The following CPM variants were observed in gnomAD, a reference collection of about 807,000 sequenced individuals.
CPM encodes renal carboxypeptidase.
Under a neutral mutation model 46.4 loss-of-function variants are expected in CPM, and 35 were observed. The ratio of observed to expected loss-of-function variants is 0.75; its 90% CI spans 0.58 to 1.00. The LOEUF is 1.00. CPM is among the 50% of genes least tolerant of loss of function. CPM has a pLI of 0.00. For synonymous variants in CPM, 195 were observed against 195.3 expected (o/e 1.00, Z 0.01); for missense variants, 422 against 530.4 (o/e 0.80, Z 2.01).
chr12:68,904,305 A>G (rs1439183924), intron 2 of CPM, among the ~76,000 whole-genome samples: 6 of 152,226 alleles, frequency 3.9e-5, no homozygotes, highest in Admixed American at 3.9e-4. Context: ...ACCGTCTCAT[A>G]ATGGACTGAT....
intron 1 of CPM, among the ~76,000 whole-genome samples, chr12:68,943,075 A>G (rs934716360): frequency 1.5e-4 from 23 of 152,204 alleles, no homozygotes; most frequent in African/African-American, 5.5e-4. Context: ...GTGTTATTCT[A>G]GGAAGAATAT....
chr12:68,945,788 G>A (rs377305136), intron 1 of CPM, among the ~76,000 whole-genome samples: 18 of 147,542 alleles, frequency 1.2e-4, no homozygotes, highest in African/African-American at 4.2e-4. Context: ...TGAGTCATTA[G>A]TATAGGCTCA....
intron 8 of CPM, 106 bp downstream of exon 8, chr12:68,858,816 TG>T: frequency 1.7e-6 from 1 of 593,998 alleles, no homozygotes; most frequent in African/African-American, 1.9e-5. Flanking sequence ...TCTGTCTCGA[TG>T]GATCTACTTT....
At chr12:68,910,182 T>C (rs1346301163) in intron 2 of CPM, among the ~76,000 whole-genome samples, 1 of 152,154 alleles carries the variant, frequency 6.6e-6, no homozygotes, top group South Asian at 2.1e-4. Context: ...CTAAAAGTTA[T>C]AAATGACCTA....
chr12:68,906,410 T>C (rs557003703), intron 2 of CPM, among the ~76,000 whole-genome samples: 1 of 152,206 alleles, frequency 6.6e-6, no homozygotes, highest in South Asian at 2.1e-4. Flanking sequence ...ATACATAGAA[T>C]ACTGTACATT....
At chr12:68,930,822 G>A (rs965941077) in intron 2 of CPM, among the ~76,000 whole-genome samples, 3 of 152,194 alleles carry the variant, frequency 2.0e-5, no homozygotes, top group African/African-American at 7.2e-5. Context: ...ACTGTCACAA[G>A]CACATTGTGT....
intron 2 of CPM, among the ~76,000 whole-genome samples, chr12:68,912,672 C>T (rs1218561375): frequency 6.6e-6 from 1 of 152,196 alleles, no homozygotes; most frequent in Non-Finnish European, 1.5e-5. Flanking sequence ...CTCATACTGG[C>T]ACACTCTACT....
chr12:68,950,683 A>G (rs2136335094), intron 1 of CPM, among the ~76,000 whole-genome samples: 1 of 152,298 alleles, frequency 6.6e-6, no homozygotes, highest in Middle Eastern at 3.4e-3. Flanking sequence ...CAGCCCTTAT[A>G]GAGCCTGCCA....
intron 2 of CPM, among the ~76,000 whole-genome samples, chr12:68,918,676 C>T (rs1201462006): frequency 6.6e-6 from 1 of 152,012 alleles, no homozygotes; most frequent in Non-Finnish European, 1.5e-5. Context: ...AGCAAGTACT[C>T]TTGGTTTTAT....
intron 1 of CPM, among the ~76,000 whole-genome samples, chr12:68,946,526 C>T (rs1364370065): frequency 6.6e-6 from 1 of 152,102 alleles, no homozygotes; most frequent in African/African-American, 2.4e-5. Context: ...GATTCCTAGG[C>T]CTATCAGAAA....
At chr12:68,858,852 T>C in intron 8 of CPM, 71 bp downstream of exon 8, 1 of 1,006,676 alleles carries the variant, frequency 9.9e-7, no homozygotes, top group South Asian at 4.0e-5. Context: ...TTATTTTGGA[T>C]TCCTTCTGGG....
chr12:68,871,681 G>A, intron 4 of CPM, 103 bp downstream of exon 4: 3 of 1,226,702 alleles, frequency 2.4e-6, no homozygotes, highest in Admixed American at 1.9e-5. Context: ...GGCTCTGAGG[G>A]CTCTCACCAT....
At chr12:68,902,962 T>TA (rs1406832921) in intron 2 of CPM, among the ~76,000 whole-genome samples, 1 of 152,236 alleles carries the variant, frequency 6.6e-6, no homozygotes, top group East Asian at 1.9e-4. Flanking sequence ...AAAAAGTCAC[T>TA]ATTAACAAGT....
chr12:68,917,741 G>A (rs1200773598), intron 2 of CPM, among the ~76,000 whole-genome samples: 1 of 152,136 alleles, frequency 6.6e-6, no homozygotes. Context: ...GAAGATTCCT[G>A]ATGCATCCTA....
At chr12:68,916,956 T>C (rs76218877) in intron 2 of CPM, among the ~76,000 whole-genome samples, 8,294 of 148,332 alleles carry the variant, frequency 0.056, 516 homozygotes, top group African/African-American at 0.15. Flanking sequence ...AACTGTAAAA[T>C]TATCAGAAAT....
chr12:68,944,723 T>TG (rs960437230), intron 1 of CPM, among the ~76,000 whole-genome samples: 6 of 151,578 alleles, frequency 4.0e-5, no homozygotes, highest in African/African-American at 7.3e-5. Context: ...TTTTGTTTTT[T>TG]TTTTTTAAAT....
chr12:68,898,018 A>AT (rs34852745), intron 2 of CPM, among the ~76,000 whole-genome samples: 10,170 of 134,046 alleles, frequency 0.076, 860 homozygotes, highest in African/African-American at 0.21. Context: ...TAATTTGTGT[A>AT]TTTTTTTTTT....
intron 2 of CPM, among the ~76,000 whole-genome samples, chr12:68,927,558 CTTTAG>C (rs1331843965): frequency 2.0e-5 from 3 of 151,926 alleles, no homozygotes; most frequent in African/African-American, 7.2e-5. Context: ...TGCAGAAGCT[CTTTAG>C]TTTAATTAGA....
intron 7 of CPM, among the ~76,000 whole-genome samples, chr12:68,861,247 A>G (rs1219284252): frequency 6.6e-6 from 1 of 152,036 alleles, no homozygotes; most frequent in East Asian, 1.9e-4. Flanking sequence ...GGGAGAATAT[A>G]TTAGATGAAT....
Sources: gnomAD v4.1 joint callset for allele counts (sites outside exome capture counted in the v4.1 genomes callset) on GRCh38, gnomAD v4.1.1 for gene constraint, MANE v1.5 for transcripts, NCBI Gene and HGNC (gene_info 2026-07-23, HGNC 2026-07-21) for gene names.